The following TOP1 variants were observed in gnomAD, a reference collection of about 807,000 sequenced individuals.
TOP1 encodes DNA topoisomerase 1.
A neutral mutation model predicts 111.1 loss-of-function variants in TOP1; 10 were observed. That is an observed-to-expected ratio of 0.09 (90% CI 0.06 to 0.15). TOP1 has a LOEUF of 0.15. TOP1 is among the 10% of genes least tolerant of loss of function. TOP1 has a pLI of 1.00. For missense variants in TOP1, 474 were observed against 926.7 expected, an observed-to-expected ratio of 0.51 and a Z score of 6.34; for synonymous variants, 271 against 302.9, an observed-to-expected ratio of 0.89 and a Z score of 1.10.
chr20:41,120,678 A>T (rs1010900224), intron 18 of TOP1, among the ~76,000 whole-genome samples: 1 of 152,220 alleles, frequency 6.6e-6, no homozygotes. Flanking sequence ...TGGGGAAAAA[A>T]GCTCCACAGC....
chr20:41,068,206 C>G (rs1190317663), intron 3 of TOP1, among the ~76,000 whole-genome samples: 1 of 152,202 alleles, frequency 6.6e-6, no homozygotes, highest in Admixed American at 6.5e-5. Flanking sequence ...TCTTTGTCCC[C>G]AAATCCCTGA....
intron 8 of TOP1, among the ~76,000 whole-genome samples, chr20:41,091,332 A>G (rs2033917412): frequency 6.6e-6 from 1 of 152,212 alleles, no homozygotes; most frequent in South Asian, 2.1e-4. Flanking sequence ...CCTGGTCTAT[A>G]AAATAAATTT....
At position 41,030,376 on chromosome 20, in the gene TOP1, A is replaced by G. The variant is rs2033103029; in HGVS notation, c.58+921A>G. Among the ~76,000 whole-genome samples the G allele has an allele frequency of 1.3e-5, 2 of 152,014 alleles. No homozygotes were observed. Among genetic ancestry groups the G allele is most frequent in the South Asian group, 4.2e-4 (2 of 4,816 alleles). ...TTCGTTTGGGTTGTAAGGAGGAAAA[A>G]AAGATTTTATTTATTGAAGCAAAGA... is the stretch of plus-strand genomic sequence containing the variant. On this transcript the variant is annotated intron_variant, in intron 2 of 20. Coordinates refer to ENST00000361337, the MANE Select transcript of TOP1 (RefSeq NM_003286.4). The surrounding 1 kb of genome is among the most constrained non-coding windows in gnomAD (Gnocchi z 4.1).
intron 14 of TOP1, 48 bp from the exon 15 acceptor site, chr20:41,113,922 A>C (rs1401389604): frequency 1.5e-6 from 2 of 1,294,368 alleles, no homozygotes; most frequent in Non-Finnish European, 2.2e-6. Context: ...TTGTGTAAGG[A>C]TCATGTCTCT....
chr20:41,074,388 T>C (rs1381820238), intron 3 of TOP1, among the ~76,000 whole-genome samples: 1 of 152,146 alleles, frequency 6.6e-6, no homozygotes, highest in East Asian at 1.9e-4. Flanking sequence ...TTTCCTCCTA[T>C]AGAAACTTGT....
intron 9 of TOP1, among the ~76,000 whole-genome samples, chr20:41,093,767 C>T (rs2033948450): frequency 6.6e-6 from 1 of 152,232 alleles, no homozygotes; most frequent in African/African-American, 2.4e-5. Flanking sequence ...GTGCATCTCT[C>T]TTCCCACCAG....
chr20:41,037,569 T>G (rs1321747169), intron 2 of TOP1, among the ~76,000 whole-genome samples: 1 of 152,250 alleles, frequency 6.6e-6, no homozygotes, highest in East Asian at 1.9e-4. Flanking sequence ...AAAGCTTATG[T>G]GTGAGAATTT....
At position 41,029,749 on chromosome 20, in the gene TOP1, G is replaced by C. The variant is rs2033093787; in HGVS notation, c.58+294G>C. The C allele has an allele frequency of 1.9e-6, 1 of 513,246 alleles. No homozygotes were observed. Among genetic ancestry groups the C allele is most frequent in the Non-Finnish European group, 3.5e-6 (1 of 284,198 alleles). The allele number at this position is 513,246 out of a possible 1,614,324, so 31.8% of individuals were successfully genotyped here. On this transcript the variant is annotated intron_variant, in intron 2 of 20. Coordinates refer to ENST00000361337, the MANE Select transcript of TOP1 (RefSeq NM_003286.4). This position sits in a 1 kb window ranked among gnomAD's most constrained non-coding sequence, Gnocchi z 6.1. Reference sequence around the variant, plus strand: ...TTCCTCCCGGGAAAGTCGCCTTGTCGACGGTCGGGACTTAGTCTCTGCGCC... The same window carrying C: ...TTCCTCCCGGGAAAGTCGCCTTGTCCACGGTCGGGACTTAGTCTCTGCGCC...
rs78830007 is a variant in TOP1, at chr20:41,041,238, A to G, written c.58+11783A>G. Among the ~76,000 whole-genome samples, 1,212 of 152,188 alleles carry G rather than the reference A, an allele frequency of 8.0e-3. 14 individuals carry two copies. The highest frequency in any genetic ancestry group is 0.028 in the African/African-American group (1,147 of 41,496). On this transcript the variant is annotated intron_variant, in intron 2 of 20. Transcript: ENST00000361337. The stretch of plus-strand genomic sequence containing the variant: ...CAAAGTGGGTGAATTGCTTTAGCCC[A>G]GGAGTTCTAAAGCAGCCTGGGCAAC...
In TOP1 at chr20:41,101,477, C is replaced by A; in HGVS notation, c.1308+124C>A. ...AAAAATCCTCCCCATTGAAAGAAGG[C>A]AAGTACTTTCATAGTTAGCATTATG... On this transcript the variant is annotated intron_variant, in intron 13 of 20. Transcript: ENST00000361337. This position sits in a 1 kb window ranked among gnomAD's most constrained non-coding sequence, Gnocchi z 4.1. 1 of 1,033,464 alleles carries A rather than the reference C, an allele frequency of 9.7e-7. No homozygotes were observed. Among genetic ancestry groups the A allele is most frequent in the Non-Finnish European group, 1.4e-6 (1 of 725,214 alleles). The allele number at this position is 1,033,464 out of a possible 1,614,324, so 64.0% of individuals were successfully genotyped here. A position where few individuals can be genotyped will look rare whatever the true frequency, so the allele number is the denominator to read the frequency against.
Position 41,029,209 on chromosome 20 carries a change from G to A in TOP1, c.33+109G>A. Reference sequence around the variant, plus strand: ...GGCCCGGCAGCTTTGACAGGCCGGAGCCCCCGGTGAGGGGCCGCCTGCCGG... The same window carrying A: ...GGCCCGGCAGCTTTGACAGGCCGGAACCCCCGGTGAGGGGCCGCCTGCCGG... On this transcript the variant is annotated intron_variant, in intron 1 of 20. Coordinates refer to ENST00000361337, the MANE Select transcript of TOP1 (RefSeq NM_003286.4). The surrounding 1 kb of genome is among the most constrained non-coding windows in gnomAD (Gnocchi z 6.1). 1 of 957,524 alleles carries A rather than the reference G, an allele frequency of 1.0e-6. No individual in the cohort carries two copies. Among genetic ancestry groups the A allele is most frequent in the Non-Finnish European group, 1.4e-6 (1 of 703,880 alleles). The allele number at this position is 957,524 out of a possible 1,614,324, so 59.3% of individuals were successfully genotyped here.
chr20:41,096,524 T>C (rs147524125), intron 9 of TOP1, among the ~76,000 whole-genome samples: 301 of 152,314 alleles, frequency 2.0e-3, no homozygotes, highest in African/African-American at 6.9e-3. Flanking sequence ...CAAGTCTTGT[T>C]AAAAATGCAA....
rs1429028318 is a variant in TOP1 at position 41,122,907 on chromosome 20, C to T, written c.2196-288C>T. Among the ~76,000 whole-genome samples, 1 of 152,234 alleles carries T rather than the reference C, an allele frequency of 6.6e-6. No homozygotes were observed. Among genetic ancestry groups the T allele is most frequent in the East Asian group, 1.9e-4 (1 of 5,202 alleles). Reference sequence around the variant, plus strand: ...CTGCTTGGGTTCAAATTTCAGGTCACTTACCAGCTAGCTGTGTGAGAAAAT... The same window carrying T: ...CTGCTTGGGTTCAAATTTCAGGTCATTTACCAGCTAGCTGTGTGAGAAAAT... On this transcript the variant is annotated intron_variant, in intron 20 of 20. Transcript: ENST00000361337. This position sits in a 1 kb window ranked among gnomAD's most constrained non-coding sequence, Gnocchi z 5.4.
rs558596274 is a variant in TOP1 at position 41,114,326 on chromosome 20, A to G, written c.1638+171A>G. 1.1e-4 allele frequency among the ~76,000 whole-genome samples: 17 copies of G among 152,382 alleles called. No homozygotes were observed. In the South Asian group the frequency reaches 2.9e-3, roughly 26 times the overall value. ...CTATTCAGAAGGCTGAGACAGGAGG[A>G]TCACTGGAGACCAAAAGTTTGAGGC... On this transcript the variant is annotated intron_variant, in intron 15 of 20. Coordinates refer to ENST00000361337, the MANE Select transcript of TOP1 (RefSeq NM_003286.4). The surrounding 1 kb of genome is among the most constrained non-coding windows in gnomAD (Gnocchi z 4.5).
chr20:41,057,369 G>A lies in TOP1; in HGVS notation c.59-4025G>A, dbSNP rs551677553. On this transcript the variant is annotated intron_variant, in intron 2 of 20. Transcript: ENST00000361337. ...TGCACTCCAGCCTGGGTGACAGAGT[G>A]AGACTCTGTCTCCAAAAAAAATAAA... 1.1e-4 allele frequency among the ~76,000 whole-genome samples: 16 copies of A among 151,984 alleles called. No homozygotes were observed. In the East Asian group the frequency reaches 2.5e-3, roughly 24 times the overall value.
chr20:41,065,450 A>G (rs1017941237), intron 3 of TOP1, among the ~76,000 whole-genome samples: 1 of 152,244 alleles, frequency 6.6e-6, no homozygotes, highest in Non-Finnish European at 1.5e-5. Context: ...TTAAAGTAGC[A>G]TTTAGTACAT....
chr20:41,058,658 CTTGT>C lies in TOP1; in HGVS notation c.59-2730_59-2727del, dbSNP rs539012593. ...TTGCCCCCTCACAATTCCACTTCAT[CTTGT>C]TTGTTAGGAGTGAGTCACAGTGTCC... On this transcript the variant is annotated intron_variant, in intron 2 of 20. Transcript: ENST00000361337. This position sits in a 1 kb window ranked among gnomAD's most constrained non-coding sequence, Gnocchi z 4.2. Among the ~76,000 whole-genome samples the C allele has an allele frequency of 4.9e-4, 75 of 152,278 alleles. 1 individual carries two copies. The highest frequency in any genetic ancestry group is 1.6e-3 in the African/African-American group (66 of 41,550).
chr20:41,091,972 T>C (rs1037721198), intron 8 of TOP1, among the ~76,000 whole-genome samples: 4 of 152,228 alleles, frequency 2.6e-5, no homozygotes, highest in African/African-American at 4.8e-5. Context: ...TTCCAGGTAA[T>C]GCGTAAGTAC....
chr20:41,080,139 A>C lies in TOP1; in HGVS notation c.390A>C (p.Lys130Asn). Residue 130 changes from lysine to asparagine, a missense_variant, in exon 6 of 21, where the codon AAA becomes AAC. Lys to Asn is a moderately conservative substitution (Grantham distance 94). Transcript: ENST00000361337. This position sits in a 1 kb window ranked among gnomAD's most constrained non-coding sequence, Gnocchi z 5.0. ...ATGATGGCTATTTTGTTCCTCCTAA[A>C]GAGGATATAAAGCCATTAAAGAGAC... is the stretch of plus-strand genomic sequence containing the variant. Reference protein sequence around the residue: ...PEDDGYFVPPKEDIKPLKRPR... With the variant: ...PEDDGYFVPPNEDIKPLKRPR... 1 of 1,611,602 alleles carries C rather than the reference A, an allele frequency of 6.2e-7. No individual in the cohort carries two copies.
Sources: allele counts gnomAD v4.1 joint callset (sites outside exome capture counted in the v4.1 genomes callset), GRCh38; gene constraint gnomAD v4.1.1; non-coding constraint Gnocchi (gnomAD v3.1); transcripts MANE v1.5; gene names NCBI Gene and HGNC (gene_info 2026-07-23, HGNC 2026-07-21).